The following TMEM132B variants were observed in gnomAD, a reference collection of about 807,000 sequenced individuals.
TMEM132B encodes the protein transmembrane protein 132B.
In TMEM132B, 18 loss-of-function variants were observed where a neutral mutation model predicts 90.8. The observed-to-expected ratio is 0.20, with a 90% confidence interval of 0.14 to 0.29. TMEM132B has a LOEUF of 0.29. Among genes scored for constraint, TMEM132B ranks in the 10% least tolerant of loss-of-function variants. TMEM132B has a pLI of 1.00. For synonymous variants in TMEM132B, 504 were observed against 523.3 expected, an observed-to-expected ratio of 0.96 and a Z score of 0.50; for missense variants, 1,096 against 1,326.8, an observed-to-expected ratio of 0.83 and a Z score of 2.70.
At chr12:125,199,121 T>C (rs755842524) in intron 1 of TMEM132B, among the ~76,000 whole-genome samples, 23 of 152,228 alleles carry the variant, frequency 1.5e-4, no homozygotes, top group Non-Finnish European at 3.1e-4. Flanking sequence ...GTGGTAGTGA[T>C]GGAGTTTGGC....
At chr12:125,430,730 C>T (rs942641879) in intron 3 of TMEM132B, among the ~76,000 whole-genome samples, 1 of 152,226 alleles carries the variant, frequency 6.6e-6, no homozygotes, top group Non-Finnish European at 1.5e-5. Context: ...GGGAAATCAG[C>T]TGGAAACAAA....
chr12:125,357,258 C>T (rs1298767171), intron 2 of TMEM132B, among the ~76,000 whole-genome samples: 2 of 152,160 alleles, frequency 1.3e-5, no homozygotes, highest in African/African-American at 4.8e-5. Context: ...AAGTTTCCTC[C>T]TACCTGTAAT....
chr12:125,610,117 GT>G (rs1245389310), intron 5 of TMEM132B, among the ~76,000 whole-genome samples: 19 of 151,620 alleles, frequency 1.3e-4, no homozygotes, highest in African/African-American at 4.4e-4. Context: ...TTGTTCATTG[GT>G]TCTAATTGTT....
intron 1 of TMEM132B, among the ~76,000 whole-genome samples, chr12:125,284,855 T>C (rs1417964575): frequency 6.6e-6 from 1 of 152,236 alleles, no homozygotes; most frequent in East Asian, 1.9e-4. Flanking sequence ...CTGTGAGTCC[T>C]GCTTTGCTCT....
intron 3 of TMEM132B, among the ~76,000 whole-genome samples, chr12:125,449,043 T>C (rs1174926383): frequency 6.7e-6 from 1 of 149,822 alleles, no homozygotes; most frequent in Non-Finnish European, 1.5e-5. Context: ...CTCGGCTCAC[T>C]GCAAGCTCTG....
intron 2 of TMEM132B, among the ~76,000 whole-genome samples, chr12:125,391,530 C>G (rs2136303058): frequency 6.6e-6 from 1 of 152,270 alleles, no homozygotes; most frequent in Non-Finnish European, 1.5e-5. Flanking sequence ...GCAAGCCTGG[C>G]AGCAAAGTAG....
chr12:125,347,730 A>T (rs536391579), intron 1 of TMEM132B, among the ~76,000 whole-genome samples: 1 of 152,144 alleles, frequency 6.6e-6, no homozygotes, highest in Non-Finnish European at 1.5e-5. Context: ...GGGCAAAAGA[A>T]AAAAAAGTCT....
chr12:125,506,284 G>A (rs930055605), intron 3 of TMEM132B, among the ~76,000 whole-genome samples: 1 of 152,302 alleles, frequency 6.6e-6, no homozygotes, highest in African/African-American at 2.4e-5. Flanking sequence ...TATTCTGTGT[G>A]ATTCCAATTT....
intron 1 of TMEM132B, among the ~76,000 whole-genome samples, chr12:125,275,185 C>T (rs1459500844): frequency 6.6e-6 from 1 of 152,102 alleles, no homozygotes; most frequent in East Asian, 1.9e-4. Context: ...CTGTGATCAC[C>T]CCAGCTCACA....
In TMEM132B at chr12:125,549,969, G is replaced by A. The variant is rs1285743778; in HGVS notation, c.1293+30344G>A. Among the ~76,000 whole-genome samples, 105 of 152,176 alleles carry A rather than the reference G, an allele frequency of 6.9e-4. 1 individual carries two copies. Among genetic ancestry groups the A allele is most frequent in the Admixed American group, 6.7e-3 (103 of 15,280 alleles). On this transcript the variant is annotated intron_variant, in intron 4 of 8. Coordinates refer to ENST00000682704, the MANE Select transcript of TMEM132B (RefSeq NM_001366854.1). ...CCTTCTCTCCCTGCTTTGTGGTCTT[G>A]GAGCTGGACCCTGTAAACATTTCTC...
intron 2 of TMEM132B, among the ~76,000 whole-genome samples, chr12:125,413,655 C>G (rs190696651): frequency 6.6e-6 from 1 of 152,226 alleles, no homozygotes; most frequent in Non-Finnish European, 1.5e-5. Context: ...AGGTTCATCA[C>G]GTAGCATGTG....
chr12:125,361,185 C>T (rs1877945799), intron 2 of TMEM132B, among the ~76,000 whole-genome samples: 1 of 152,078 alleles, frequency 6.6e-6, no homozygotes, highest in Non-Finnish European at 1.5e-5. Flanking sequence ...GCACCTGTCA[C>T]ATGCAGGGCT....
chr12:125,255,269 C>A (rs80179129), intron 1 of TMEM132B, among the ~76,000 whole-genome samples: 1,855 of 152,032 alleles, frequency 0.012, 49 homozygotes, highest in African/African-American at 0.042. Flanking sequence ...CTCTCTCTCT[C>A]TTTCTCTTTC....
At chr12:125,476,494 A>C (rs754318388) in intron 3 of TMEM132B, among the ~76,000 whole-genome samples, 10 of 152,238 alleles carry the variant, frequency 6.6e-5, no homozygotes, top group Non-Finnish European at 1.2e-4. Context: ...TCTCAATAAC[A>C]GTCCATTGTA....
intron 1 of TMEM132B, among the ~76,000 whole-genome samples, chr12:125,338,682 T>C (rs7301081): frequency 0.26 from 38,874 of 152,118 alleles, 6,667 homozygotes; most frequent in African/African-American, 0.49. Flanking sequence ...ACATGTAGAA[T>C]GTTCTGGTCT....
chr12:125,195,376 G>A (rs919583397), intron 1 of TMEM132B, among the ~76,000 whole-genome samples: 1 of 151,052 alleles, frequency 6.6e-6, no homozygotes, highest in Non-Finnish European at 1.5e-5. Context: ...ATGGAGCGCT[G>A]GGGAGGAGGG....
rs1883679097 is a variant in TMEM132B at position 125,532,753 on chromosome 12, G to A, written c.1293+13128G>A. On this transcript the variant is annotated intron_variant, in intron 4 of 8. Coordinates refer to ENST00000682704, the MANE Select transcript of TMEM132B (RefSeq NM_001366854.1). ...TGGTCTTGAACTCCTGACCTCAGGT[G>A]ATCTGCCCCCCTCGGCCTCCCAAAG... 2.0e-5 allele frequency among the ~76,000 whole-genome samples: 3 copies of A among 152,090 alleles called. No homozygotes were observed. The South Asian group carries it at 6.2e-4, about 32-fold the overall frequency.
intron 5 of TMEM132B, among the ~76,000 whole-genome samples, chr12:125,643,600 C>T (rs1464921483): frequency 6.6e-6 from 1 of 152,102 alleles, no homozygotes; most frequent in Non-Finnish European, 1.5e-5. Flanking sequence ...TTTTGCCTAC[C>T]AGGATTTTAA....
At chr12:125,278,477 C>G (rs925863998) in intron 1 of TMEM132B, among the ~76,000 whole-genome samples, 2 of 141,498 alleles carry the variant, frequency 1.4e-5, no homozygotes, top group African/African-American at 5.2e-5. Flanking sequence ...GAATCTCCAT[C>G]TTTTTTTTTT....
Sources: gnomAD v4.1 joint callset for allele counts (sites outside exome capture counted in the v4.1 genomes callset) on GRCh38, gnomAD v4.1.1 for gene constraint, MANE v1.5 for transcripts, NCBI Gene and HGNC (gene_info 2026-07-23, HGNC 2026-07-21) for gene names.